Variants in HS3ST1 observed in about 807,000 individuals in gnomAD.
HS3ST1 encodes heparan sulfate glucosamine 3-O-sulfotransferase 1.
HS3ST1 carries 8 observed loss-of-function variants against 20.7 expected under a neutral mutation model. The ratio of observed to expected loss-of-function variants is 0.39; its 90% CI spans 0.23 to 0.70. The LOEUF (loss-of-function observed/expected upper bound fraction) is 0.70. Among genes scored for constraint, HS3ST1 ranks in the 30% least tolerant of loss-of-function variants. HS3ST1 has a pLI of 0.46. For synonymous variants in HS3ST1, 205 were observed against 190.4 expected (o/e 1.08, Z -0.63); for missense variants, 436 against 423.4 (o/e 1.03, Z -0.26).
At chr4:11,405,738 C>T (rs1292033065) in intron 1 of HS3ST1, among the ~76,000 whole-genome samples, 3 of 151,980 alleles carry the variant, frequency 2.0e-5, no homozygotes, top group Admixed American at 1.3e-4. Flanking sequence ...GGCGACATCA[C>T]CTGAGAGCCT....
At chr4:11,422,258 A>G (rs1718958603) in intron 1 of HS3ST1, among the ~76,000 whole-genome samples, 1 of 152,146 alleles carries the variant, frequency 6.6e-6, no homozygotes, top group South Asian at 2.1e-4. Flanking sequence ...TTCTTCCACC[A>G]TGAACCGCTT....
intron 1 of HS3ST1, among the ~76,000 whole-genome samples, chr4:11,403,428 C>T (rs1718381228): frequency 6.6e-6 from 1 of 152,088 alleles, no homozygotes; most frequent in Non-Finnish European, 1.5e-5. Flanking sequence ...TTGATCTTGA[C>T]AATGAAGTTA....
intron 1 of HS3ST1, among the ~76,000 whole-genome samples, chr4:11,423,119 C>A (rs16881661): frequency 6.7e-6 from 1 of 148,704 alleles, no homozygotes; most frequent in South Asian, 2.2e-4. Flanking sequence ...TCCTCAATCA[C>A]TGTAGTTGCC....
At chr4:11,429,987 T>C (rs534222533), upstream of HS3ST1, among the ~76,000 whole-genome samples, 4 of 152,264 alleles carry the variant, frequency 2.6e-5, no homozygotes, top group African/African-American at 7.2e-5. Context: ...TCCACATTAG[T>C]AAATAAATAT....
At chr4:11,426,976 A>G (rs1216098062) in intron 1 of HS3ST1, among the ~76,000 whole-genome samples, 3 of 152,228 alleles carry the variant, frequency 2.0e-5, no homozygotes, top group African/African-American at 7.2e-5. Context: ...GGCTTATTCT[A>G]ATTGCACCCA....
chr4:11,419,395 G>A (rs776529049), intron 1 of HS3ST1, among the ~76,000 whole-genome samples: 4 of 152,084 alleles, frequency 2.6e-5, no homozygotes, highest in East Asian at 1.9e-4. Flanking sequence ...TTGTGACACC[G>A]CATGTTCTCA....
At chr4:11,410,083 G>A (rs1256501200) in intron 1 of HS3ST1, among the ~76,000 whole-genome samples, 1 of 152,242 alleles carries the variant, frequency 6.6e-6, no homozygotes, top group Non-Finnish European at 1.5e-5. Context: ...TGGCAAGTCT[G>A]CAAAGAGCAA....
Position 11,399,555 on chromosome 4 carries a change from C to T in HS3ST1, c.451G>A (p.Glu151Lys), listed in dbSNP as rs556962591. The change falls in exon 2 of 2, where the codon GAG (glutamate) becomes AAG (lysine). Residue 151 changes from glutamate to lysine, a missense_variant. Transcript: ENST00000002596. The surrounding 1 kb of genome is among the most constrained non-coding windows in gnomAD (Gnocchi z 5.1). Reference sequence around the variant, plus strand: ...TGGGTGTAGTCAGATAGCACGCGCTCCGACGGGTCTCGCAGGATGAGCAGC... The same window carrying T: ...TGGGTGTAGTCAGATAGCACGCGCTTCGACGGGTCTCGCAGGATGAGCAGC... The part of the protein sequence containing the change: ...RLLLILRDPS[E>K]RVLSDYTQVF... 4 of 1,613,876 alleles carry T rather than the reference C, an allele frequency of 2.5e-6. No individual in the cohort carries two copies. In the Admixed American group the frequency reaches 5.0e-5, roughly 20 times the overall value.
Position 11,400,000 on chromosome 4 carries a change from G to A in HS3ST1, c.6C>T (p.Ala2=), listed in dbSNP as rs981600076. The change falls in exon 2 of 2, where the codon GCC becomes GCT. Residue 2 remains alanine (A), a synonymous_variant. Coordinates refer to ENST00000002596, the MANE Select transcript of HS3ST1 (RefSeq NM_005114.4). This position sits in a 1 kb window ranked among gnomAD's most constrained non-coding sequence, Gnocchi z 5.1. M[A]ALLLGAVLLV... is the part of the protein sequence containing the mutation. Reference sequence around the variant, plus strand: ...GCAGCACCGCGCCCAGGAGCAGCGCGGCCATGCTGGACACCACGGTGGCTT... The same window carrying A: ...GCAGCACCGCGCCCAGGAGCAGCGCAGCCATGCTGGACACCACGGTGGCTT... The A allele has an allele frequency of 3.4e-5, 51 of 1,516,826 alleles. No homozygotes were observed. Among genetic ancestry groups the A allele is most frequent in the Non-Finnish European group, 4.4e-5 (50 of 1,136,006 alleles). 94.0% of individuals were successfully genotyped at this position (1,516,826 alleles called of 1,614,324 possible).
chr4:11,431,104 G>A (rs1430016982), upstream of HS3ST1, among the ~76,000 whole-genome samples: 2 of 152,060 alleles, frequency 1.3e-5, no homozygotes, highest in African/African-American at 4.8e-5. Context: ...TCTATTTAGG[G>A]ATCTGTCTTC....
intron 1 of HS3ST1, among the ~76,000 whole-genome samples, chr4:11,418,942 G>A (rs1718855767): frequency 6.6e-6 from 1 of 152,064 alleles, no homozygotes; most frequent in African/African-American, 2.4e-5. Context: ...AAGATCATGA[G>A]GTGTTGTGTT....
chr4:11,418,111 C>A (rs1718834625), intron 1 of HS3ST1, among the ~76,000 whole-genome samples: 1 of 152,350 alleles, frequency 6.6e-6, no homozygotes, highest in South Asian at 2.1e-4. Context: ...TTCTCAGCCC[C>A]TCTGCACCTT....
intron 1 of HS3ST1, among the ~76,000 whole-genome samples, chr4:11,419,468 G>C (rs1188467626): frequency 6.6e-6 from 1 of 152,044 alleles, no homozygotes; most frequent in Non-Finnish European, 1.5e-5. Context: ...ACACACACCG[G>C]GGCCTGTCGG....
At chr4:11,414,609 T>G (rs150401066) in intron 1 of HS3ST1, among the ~76,000 whole-genome samples, 18 of 152,330 alleles carry the variant, frequency 1.2e-4, no homozygotes, top group Admixed American at 2.0e-4. Flanking sequence ...AGGCCTGGCT[T>G]TGTATTCCAG....
At chr4:11,406,696 C>A (rs1429616419) in intron 1 of HS3ST1, among the ~76,000 whole-genome samples, 1 of 152,092 alleles carries the variant, frequency 6.6e-6, no homozygotes, top group African/African-American at 2.4e-5. Context: ...GCATTCCAGG[C>A]AAGGGAGAGC....
chr4:11,409,660 C>G (rs139969973), intron 1 of HS3ST1, among the ~76,000 whole-genome samples: 28 of 152,356 alleles, frequency 1.8e-4, no homozygotes, highest in African/African-American at 6.3e-4. Context: ...ATTGTTTAAA[C>G]CATCCATTGC....
At chr4:11,408,129 C>A (rs1718519533) in intron 1 of HS3ST1, among the ~76,000 whole-genome samples, 2 of 152,260 alleles carry the variant, frequency 1.3e-5, no homozygotes, top group South Asian at 4.1e-4. Flanking sequence ...TGGGAATTAA[C>A]AGGATTTAGA....
chr4:11,410,973 C>T (rs1282293398), intron 1 of HS3ST1, among the ~76,000 whole-genome samples: 1 of 152,160 alleles, frequency 6.6e-6, no homozygotes, highest in East Asian at 1.9e-4. Context: ...TAGTCCTGAA[C>T]TTAAATCTCA....
At chr4:11,421,156 A>G (rs1196293486) in intron 1 of HS3ST1, among the ~76,000 whole-genome samples, 1 of 152,234 alleles carries the variant, frequency 6.6e-6, no homozygotes, top group African/African-American at 2.4e-5. Context: ...GGCACTATAT[A>G]TTGGCCATCT....
Sources: gnomAD v4.1 joint callset for allele counts (sites outside exome capture counted in the v4.1 genomes callset) on GRCh38, gnomAD v4.1.1 for gene constraint, Gnocchi (gnomAD v3.1) non-coding constraint, MANE v1.5 for transcripts, NCBI Gene and HGNC (gene_info 2026-07-23, HGNC 2026-07-21) for gene names.